SRPK2: variants seen among roughly 807,000 people sequenced by gnomAD.
The protein encoded by SRPK2 is SRSF protein kinase 2, also known as SFRS protein kinase 2.
In SRPK2, 21 loss-of-function variants were observed where a neutral mutation model predicts 90.8. That is an observed-to-expected ratio of 0.23 (90% CI 0.16 to 0.33). The LOEUF is 0.33. SRPK2 is among the 10% of genes least tolerant of loss of function. The probability of loss-of-function intolerance (pLI) is 1.00; values close to 1 mark genes in which losing one functional copy is unlikely to be tolerated. For synonymous variants in SRPK2, 288 were observed against 311.1 expected, an observed-to-expected ratio of 0.93 and a Z score of 0.78; for missense variants, 620 against 869.0, an observed-to-expected ratio of 0.71 and a Z score of 3.60.
intron 2 of SRPK2, among the ~76,000 whole-genome samples, chr7:105,318,215 C>A (rs1812524711): frequency 2.6e-5 from 4 of 152,184 alleles, no homozygotes; most frequent in Admixed American, 2.6e-4. Context: ...CTACCTCAGT[C>A]TCCAAAGTAG....
At chr7:105,244,929 G>C (rs955922824) in intron 2 of SRPK2, 2 of 1,478,754 alleles carry the variant, frequency 1.4e-6, no homozygotes, top group South Asian at 1.2e-5. Flanking sequence ...GCAAAGCAAC[G>C]TCCTGGCCGC....
chr7:105,179,787 T>C (rs544328936), intron 3 of SRPK2, among the ~76,000 whole-genome samples: 3 of 138,444 alleles, frequency 2.2e-5, no homozygotes, highest in African/African-American at 8.6e-5. Context: ...ATTGCGCCAT[T>C]GCACTCCAGC....
At chr7:105,238,392 C>T (rs1800391125) in intron 2 of SRPK2, among the ~76,000 whole-genome samples, 2 of 152,192 alleles carry the variant, frequency 1.3e-5, no homozygotes, top group South Asian at 4.1e-4. Context: ...TCCCAGGCAG[C>T]CAAGGCAGAG....
At chr7:105,345,485 T>C (rs1816348909) in intron 2 of SRPK2, among the ~76,000 whole-genome samples, 1 of 152,058 alleles carries the variant, frequency 6.6e-6, no homozygotes, top group Non-Finnish European at 1.5e-5. Flanking sequence ...AACAAATGAA[T>C]AATATGACCA....
intron 2 of SRPK2, among the ~76,000 whole-genome samples, chr7:105,314,663 C>T (rs908704509): frequency 2.0e-5 from 3 of 152,176 alleles, no homozygotes; most frequent in Non-Finnish European, 2.9e-5. Context: ...GGATTGCAGG[C>T]GTTAGCCACC....
chr7:105,175,436 G>A (rs1171089681), intron 3 of SRPK2, among the ~76,000 whole-genome samples: 2 of 151,948 alleles, frequency 1.3e-5, no homozygotes, highest in Non-Finnish European at 2.9e-5. Flanking sequence ...TCTCAAAAAA[G>A]TAATCTTAGT....
At chr7:105,128,991 GA>G (rs1368810457) in intron 13 of SRPK2, among the ~76,000 whole-genome samples, 1 of 152,062 alleles carries the variant, frequency 6.6e-6, no homozygotes, top group African/African-American at 2.4e-5. Flanking sequence ...TTTTTTTTGA[GA>G]CGGAGTCTCG....
chr7:105,318,261 A>G (rs1412381038), intron 2 of SRPK2, among the ~76,000 whole-genome samples: 3 of 151,802 alleles, frequency 2.0e-5, no homozygotes, highest in Non-Finnish European at 4.4e-5. Context: ...CGCCCAGCTA[A>G]TTTTTGTATT....
At chr7:105,172,939 G>C (rs949105093) in intron 3 of SRPK2, among the ~76,000 whole-genome samples, 1 of 152,154 alleles carries the variant, frequency 6.6e-6, no homozygotes, top group African/African-American at 2.4e-5. Context: ...GTATACATGT[G>C]AGCAAAAACA....
At chr7:105,139,150 G>A (rs1803322920) in intron 11 of SRPK2, among the ~76,000 whole-genome samples, 1 of 152,184 alleles carries the variant, frequency 6.6e-6, no homozygotes, top group South Asian at 2.1e-4. Context: ...AGATGATGGG[G>A]AGCTGTGGAA....
At chr7:105,223,240 T>C (rs1798322603) in intron 2 of SRPK2, among the ~76,000 whole-genome samples, 1 of 152,222 alleles carries the variant, frequency 6.6e-6, no homozygotes, top group South Asian at 2.1e-4. Flanking sequence ...CTGCAACTAT[T>C]CTTTGTCACT....
intron 2 of SRPK2, among the ~76,000 whole-genome samples, chr7:105,384,645 G>A (rs957364494): frequency 5.3e-5 from 8 of 152,096 alleles, no homozygotes; most frequent in Middle Eastern, 3.4e-3. Context: ...AGCAAAAACC[G>A]TGCTTCAAGA....
intron 2 of SRPK2, among the ~76,000 whole-genome samples, chr7:105,224,613 A>T (rs978877655): frequency 6.6e-6 from 1 of 152,132 alleles, no homozygotes; most frequent in Non-Finnish European, 1.5e-5. Context: ...CTGTCTAAAA[A>T]TAATAATAAT....
intron 3 of SRPK2, among the ~76,000 whole-genome samples, chr7:105,184,119 G>A (rs1330605765): frequency 2.6e-5 from 4 of 151,568 alleles, no homozygotes; most frequent in Admixed American, 2.6e-4. Context: ...GGGAGTACAG[G>A]AATGTGCCAC....
At chr7:105,164,303 A>G (rs1808181731) in intron 6 of SRPK2, among the ~76,000 whole-genome samples, 1 of 152,222 alleles carries the variant, frequency 6.6e-6, no homozygotes, top group Non-Finnish European at 1.5e-5. Flanking sequence ...TAGCAGGAAA[A>G]TACCTCAGAA....
chr7:105,357,344 A>G (rs1351407503), intron 2 of SRPK2, among the ~76,000 whole-genome samples: 1 of 152,106 alleles, frequency 6.6e-6, no homozygotes, highest in African/African-American at 2.4e-5. Flanking sequence ...CAGCCAAATA[A>G]CACTAATTTT....
At chr7:105,376,852 T>A (rs1450552752) in intron 2 of SRPK2, among the ~76,000 whole-genome samples, 1 of 39,112 alleles carries the variant, frequency 2.6e-5, no homozygotes, top group Non-Finnish European at 4.5e-5. Flanking sequence ...ACCCCCCTTT[T>A]TTTTTTAATA....
rs1801377353 is a variant in SRPK2, at chr7:105,244,855, G to A, written c.72-41070C>T. Reference sequence around the variant, plus strand: ...TACTGAAAGGTCTCCAAAGACAAACGGGTCCTCAAGTTCATCAAGAAAAGG... The same window carrying A: ...TACTGAAAGGTCTCCAAAGACAAACAGGTCCTCAAGTTCATCAAGAAAAGG... On this transcript the variant is annotated intron_variant, in intron 2 of 15. Coordinates refer to ENST00000393651, the MANE Select transcript of SRPK2 (RefSeq NM_182692.3). The A allele has an allele frequency of 6.0e-6, 7 of 1,158,998 alleles. No homozygotes were observed. The Admixed American group carries it at 6.8e-5, about 11-fold the overall frequency. The allele number at this position is 1,158,998 out of a possible 1,614,324, so 71.8% of individuals were successfully genotyped here.
chr7:105,175,771 TG>T lies in SRPK2; in HGVS notation c.230-6507del, dbSNP rs201668053. Among the ~76,000 whole-genome samples, 471 of 151,706 alleles carry T rather than the reference TG, an allele frequency of 3.1e-3. 14 individuals carry two copies. In the East Asian group the frequency reaches 0.062, roughly 20 times the overall value. ...TATACATGTGAAAACTTAGATAAAA[TG>T]GACAAATACCTGAAAAGTCACAAAC... is the stretch of plus-strand genomic sequence containing the variant. On this transcript the variant is annotated intron_variant, in intron 3 of 15. Coordinates refer to ENST00000393651, the MANE Select transcript of SRPK2 (RefSeq NM_182692.3).
Sources: allele counts gnomAD v4.1 joint callset (sites outside exome capture counted in the v4.1 genomes callset), GRCh38; gene constraint gnomAD v4.1.1; transcripts MANE v1.5; gene names NCBI Gene and HGNC (gene_info 2026-07-23, HGNC 2026-07-21).